Variants in PIK3R1 observed in about 807,000 individuals in gnomAD.
PIK3R1 encodes the protein phosphoinositide-3-kinase regulatory subunit 1, also known as phosphatidylinositol 3-kinase regulatory subunit alpha.
PIK3R1 carries 29 observed loss-of-function variants against 98.0 expected under a neutral mutation model. That is an observed-to-expected ratio of 0.30 (90% CI 0.22 to 0.40). The LOEUF is 0.40. PIK3R1 is among the 10% of genes least tolerant of loss of function. The probability of loss-of-function intolerance (pLI) is 1.00; values close to 1 mark genes in which losing one functional copy is unlikely to be tolerated. For missense variants in PIK3R1, 596 were observed against 872.7 expected, an observed-to-expected ratio of 0.68 and a Z score of 3.99; for synonymous variants, 282 against 311.8, an observed-to-expected ratio of 0.90 and a Z score of 1.01.
rs756292730 is a variant in PIK3R1, at chr5:68,293,042, A to G, written c.1020-59A>G. ...CTCTAAAAAATAGCCTATTTTAAAAAATATAAATCTGTGGTCACTAAACCT... is the reference window on the plus strand; with the variant it reads ...CTCTAAAAAATAGCCTATTTTAAAAGATATAAATCTGTGGTCACTAAACCT... On this transcript the variant is annotated intron_variant, in intron 8 of 15. Coordinates refer to ENST00000521381, the MANE Select transcript of PIK3R1 (RefSeq NM_181523.3). 2.8e-5 allele frequency: 39 copies of G among 1,396,006 alleles called. No individual in the cohort carries two copies. The Admixed American group carries it at 6.4e-4, about 23-fold the overall frequency. 86.5% of individuals were successfully genotyped at this position (1,396,006 alleles called of 1,614,324 possible). A position where few individuals can be genotyped will look rare whatever the true frequency, so the allele number is the denominator to read the frequency against.
chr5:68,281,986 T>C (rs1426404088), intron 7 of PIK3R1, among the ~76,000 whole-genome samples: 1 of 151,886 alleles, frequency 6.6e-6, no homozygotes, highest in Non-Finnish European at 1.5e-5. Context: ...CTGCAGCAGG[T>C]AGGATAGAGG....
At chr5:68,276,912 C>A (rs1022171352) in intron 4 of PIK3R1, among the ~76,000 whole-genome samples, 1 of 152,152 alleles carries the variant, frequency 6.6e-6, no homozygotes, top group Admixed American at 6.5e-5. Flanking sequence ...GAGCAGGTGA[C>A]AGCCACAGTC....
At position 68,226,689 on chromosome 5, in the gene PIK3R1, G is replaced by T. The variant is rs762202728; in HGVS notation, c.14G>T (p.Gly5Val). The change falls in exon 2 of 16, where the codon GGG (glycine) becomes GTG (valine). Residue 5 changes from glycine to valine, a missense_variant. Gly to Val is a moderately radical substitution (Grantham distance 109). This residue lies in a region of PIK3R1 where 352 missense variants were observed against 393.3 expected (regional missense o/e 0.90). Transcript: ENST00000521381. Reference protein sequence around the residue: MSAEGYQYRALYDYK... With the variant: MSAEVYQYRALYDYK... The stretch of plus-strand genomic sequence containing the variant: ...AGATTTGCAAACATGAGTGCTGAGG[G>T]GTACCAGTACAGAGCGCTGTATGAT... 6.2e-7 allele frequency: 1 copy of T among 1,613,152 alleles called. No individual in the cohort carries two copies. Among genetic ancestry groups the T allele is most frequent in the East Asian group, 2.2e-5 (1 of 44,880 alleles).
chr5:68,268,388 T>G (rs1409630553), intron 2 of PIK3R1, among the ~76,000 whole-genome samples: 3 of 152,164 alleles, frequency 2.0e-5, no homozygotes, highest in African/African-American at 7.2e-5. Context: ...CTTAATAAGT[T>G]TAAAGTTCAG....
At chr5:68,236,682 T>C (rs1257661127) in intron 2 of PIK3R1, among the ~76,000 whole-genome samples, 1 of 152,228 alleles carries the variant, frequency 6.6e-6, no homozygotes, top group Non-Finnish European at 1.5e-5. Flanking sequence ...AGGCAGGCAG[T>C]CATGAGGATC....
intron 1 of PIK3R1, among the ~76,000 whole-genome samples, chr5:68,219,264 G>T (rs555985129): frequency 5.3e-5 from 8 of 152,336 alleles, no homozygotes; most frequent in African/African-American, 1.9e-4. Flanking sequence ...TTTCCTTAAA[G>T]TAAATCAAAT....
At chr5:68,271,784 G>C (rs1343601645) in intron 2 of PIK3R1, among the ~76,000 whole-genome samples, 1 of 142,610 alleles carries the variant, frequency 7.0e-6, no homozygotes, top group African/African-American at 2.9e-5. Context: ...AATAGAATTA[G>C]GTGGAAAGAT....
intron 7 of PIK3R1, among the ~76,000 whole-genome samples, chr5:68,283,569 C>T (rs770492954): frequency 6.6e-6 from 1 of 152,126 alleles, no homozygotes; most frequent in African/African-American, 2.4e-5. Flanking sequence ...AGTTTAAAGA[C>T]TTATTCAAAA....
intron 2 of PIK3R1, among the ~76,000 whole-genome samples, chr5:68,261,162 T>C (rs913267513): frequency 1.3e-5 from 2 of 152,212 alleles, no homozygotes; most frequent in African/African-American, 4.8e-5. Flanking sequence ...AAAGATAATA[T>C]AGAATTATTT....
chr5:68,298,730 T>G lies in PIK3R1; in HGVS notation c.*1129T>G, dbSNP rs1413224876. 4.3e-6 allele frequency: 1 copy of G among 233,234 alleles called. No individual in the cohort carries two copies. Among genetic ancestry groups the G allele is most frequent in the Non-Finnish European group, 8.5e-6 (1 of 117,916 alleles). The allele number at this position is 233,234 out of a possible 1,614,324, so 14.4% of individuals were successfully genotyped here. A position where few individuals can be genotyped will look rare whatever the true frequency, so the allele number is the denominator to read the frequency against. On this transcript the variant is annotated 3_prime_UTR_variant, in exon 16 of 16. Transcript: ENST00000521381. ...CTGATAAGCTTCAAAGCTGCTTTATTCAATAAAAAAAAGAAATGAAAAAGA... is the reference window on the plus strand; with the variant it reads ...CTGATAAGCTTCAAAGCTGCTTTATGCAATAAAAAAAAGAAATGAAAAAGA...
intron 2 of PIK3R1, among the ~76,000 whole-genome samples, chr5:68,237,492 A>C (rs569604241): frequency 1.3e-5 from 2 of 152,160 alleles, no homozygotes; most frequent in East Asian, 3.9e-4. Context: ...CTAATAGGAC[A>C]GTGTGACATT....
In PIK3R1 at chr5:68,300,215, A is replaced by C; in HGVS notation, c.*2614A>C. Reference sequence around the variant, plus strand: ...GCAATAGATCTTTTCATTGAACAGCAAAGTAGGATTCATCATTCCATATGA... The same window carrying C: ...GCAATAGATCTTTTCATTGAACAGCCAAGTAGGATTCATCATTCCATATGA... On this transcript the variant is annotated 3_prime_UTR_variant, in exon 16 of 16. Coordinates refer to ENST00000521381, the MANE Select transcript of PIK3R1 (RefSeq NM_181523.3). The C allele has an allele frequency of 4.3e-6, 1 of 233,206 alleles. No individual in the cohort carries two copies. The highest frequency in any genetic ancestry group is 1.8e-4 in the South Asian group (1 of 5,530). 14.4% of individuals were successfully genotyped at this position (233,206 alleles called of 1,614,324 possible).
At chr5:68,295,029 G>T in intron 12 of PIK3R1, 119 bp from the exon 13 acceptor site, 2 of 563,952 alleles carry the variant, frequency 3.5e-6, no homozygotes, top group Non-Finnish European at 5.6e-6. Flanking sequence ...ATGACAGGAA[G>T]AGAAGCCACG....
intron 7 of PIK3R1, among the ~76,000 whole-genome samples, chr5:68,289,826 G>A (rs1270925294): frequency 7.2e-6 from 1 of 138,442 alleles, no homozygotes. Flanking sequence ...TATTAGTAGC[G>A]AAGATGGGTT....
intron 2 of PIK3R1, among the ~76,000 whole-genome samples, chr5:68,249,703 T>C (rs901385935): frequency 6.6e-6 from 1 of 152,196 alleles, no homozygotes; most frequent in Non-Finnish European, 1.5e-5. Flanking sequence ...TGCATTTAAA[T>C]AGGTGTTTAT....
intron 2 of PIK3R1, among the ~76,000 whole-genome samples, chr5:68,237,487 A>G (rs1744705066): frequency 6.6e-6 from 1 of 152,104 alleles, no homozygotes; most frequent in Non-Finnish European, 1.5e-5. Context: ...GATGTCTAAT[A>G]GGACAGTGTG....
At chr5:68,247,478 GA>G (rs1352027925) in intron 2 of PIK3R1, among the ~76,000 whole-genome samples, 1 of 151,938 alleles carries the variant, frequency 6.6e-6, no homozygotes, top group East Asian at 1.9e-4. Context: ...TTTCTGTAGA[GA>G]TGGGGTTTCA....
chr5:68,281,062 A>G (rs1746813013), intron 7 of PIK3R1, 56 bp downstream of exon 7: 1 of 1,169,496 alleles, frequency 8.6e-7, no homozygotes, highest in Non-Finnish European at 1.2e-6. Context: ...AGAGCCTTAA[A>G]AAATGATGGC....
At chr5:68,227,039 C>T (rs1744304953) in intron 2 of PIK3R1, 30 bp downstream of exon 2, 1 of 1,539,152 alleles carries the variant, frequency 6.5e-7, no homozygotes, top group Non-Finnish European at 8.8e-7. Flanking sequence ...TGCTTAATGA[C>T]TCCCTTTCTT....
Sources: allele counts gnomAD v4.1 joint callset (sites outside exome capture counted in the v4.1 genomes callset), GRCh38; gene constraint gnomAD v4.1.1; regional missense constraint gnomAD v4.1.1; transcripts MANE v1.5; gene names NCBI Gene and HGNC (gene_info 2026-07-23, HGNC 2026-07-21).